CHD7: variants seen among roughly 807,000 people sequenced by gnomAD.
CHD7 encodes the protein ATP-dependent chromatin remodeler CHD7.
In CHD7, 24 loss-of-function variants were observed where a neutral mutation model predicts 307.3. That is an observed-to-expected ratio of 0.08 (90% CI 0.06 to 0.11). The LOEUF is 0.11. Among genes scored for constraint, CHD7 ranks in the 10% least tolerant of loss-of-function variants. The probability of loss-of-function intolerance (pLI) is 1.00; values close to 1 mark genes in which losing one functional copy is unlikely to be tolerated. For synonymous variants in CHD7, 1,363 were observed against 1,349.9 expected (o/e 1.01, Z -0.21); for missense variants, 3,106 against 3,727.1 (o/e 0.83, Z 4.34).
In CHD7 at chr8:60,855,969, C is replaced by T. The variant is rs750943637; in HGVS notation, c.6937-6C>T. The T allele has an allele frequency of 1.3e-6, 2 of 1,589,352 alleles. No individual in the cohort carries two copies. The highest frequency in any genetic ancestry group is 4.5e-5 in the East Asian group (2 of 44,326). Reference sequence around the variant, plus strand: ...AAATTTCTTGTGACTTTTCTTCTCCCTCCAGGATAGAGTAATGATAAACCG... The same window carrying T: ...AAATTTCTTGTGACTTTTCTTCTCCTTCCAGGATAGAGTAATGATAAACCG... On this transcript the variant is annotated splice_polypyrimidine_tract_variant and splice_region_variant and intron_variant, in intron 32 of 37. Transcript: ENST00000423902.
At chr8:60,753,209 T>G (rs1032226377) in intron 2 of CHD7, among the ~76,000 whole-genome samples, 2 of 152,230 alleles carry the variant, frequency 1.3e-5, no homozygotes, top group African/African-American at 4.8e-5. Context: ...TTTCTCTGAA[T>G]GTTTTTTTCT....
chr8:60,793,536 T>C (rs554396206), intron 3 of CHD7, among the ~76,000 whole-genome samples: 1 of 152,302 alleles, frequency 6.6e-6, no homozygotes, highest in East Asian at 1.9e-4. Context: ...ACAATACTTT[T>C]GAAATATTTT....
chr8:60,853,479 G>A lies in CHD7; in HGVS notation c.6754G>A (p.Glu2252Lys). The A allele has an allele frequency of 1.3e-6, 2 of 1,514,934 alleles. No homozygotes were observed. Among genetic ancestry groups the A allele is most frequent in the Non-Finnish European group, 1.8e-6 (2 of 1,133,984 alleles). 93.8% of individuals were successfully genotyped at this position (1,514,934 alleles called of 1,614,324 possible). A position where few individuals can be genotyped will look rare whatever the true frequency, so the allele number is the denominator to read the frequency against. ...AAAGCTGGAGGATGACGATAAGTCG[G>A]AAGAGTCTTCCCAGCCCGAAGGTAA... ...EEKLEDDDKSEESSQPEAGAV... is the reference protein window; with the variant it reads ...EEKLEDDDKSKESSQPEAGAV... Residue 2252 changes from glutamate (E) to lysine (K), a missense_variant, in exon 31 of 38, where the codon GAA becomes AAA. Around this residue, in one of 10 missense-constraint regions of CHD7, gnomAD observed 1,030 missense variants for 1,165.4 expected, o/e 0.88. Transcript: ENST00000423902.
intron 7 of CHD7, among the ~76,000 whole-genome samples, chr8:60,816,109 G>GTCTCTCTCTC (rs1175311453): frequency 1.8e-4 from 12 of 67,022 alleles, no homozygotes; most frequent in African/African-American, 4.1e-4. Flanking sequence ...CTGTCTGTCT[G>GTCTCTCTCTC]TCTGTCTCTC....
intron 21 of CHD7, among the ~76,000 whole-genome samples, chr8:60,843,290 C>A (rs1202311671): frequency 6.6e-6 from 1 of 152,180 alleles, no homozygotes; most frequent in Non-Finnish European, 1.5e-5. Flanking sequence ...AGACTCACCC[C>A]CTGCGTCCCA....
At chr8:60,688,534 T>C (rs1418467016) in intron 1 of CHD7, among the ~76,000 whole-genome samples, 2 of 152,196 alleles carry the variant, frequency 1.3e-5, no homozygotes, top group Non-Finnish European at 2.9e-5. Context: ...GAAAATAACA[T>C]CTTTATGTCC....
chr8:60,805,566 A>T (rs1812498063), intron 6 of CHD7, among the ~76,000 whole-genome samples: 1 of 152,184 alleles, frequency 6.6e-6, no homozygotes, highest in Non-Finnish European at 1.5e-5. Context: ...AATGGGTAGT[A>T]ATGAGAGTTG....
chr8:60,798,473 C>T (rs542595485), intron 4 of CHD7, among the ~76,000 whole-genome samples: 2 of 152,310 alleles, frequency 1.3e-5, no homozygotes, highest in South Asian at 4.1e-4. Flanking sequence ...TGAACTGTCT[C>T]AAATCCCTTT....
intron 23 of CHD7, among the ~76,000 whole-genome samples, chr8:60,847,951 C>T (rs989405053): frequency 3.3e-5 from 5 of 151,764 alleles, no homozygotes; most frequent in Non-Finnish European, 7.4e-5. Flanking sequence ...CACCTTCTAC[C>T]CCACCCTGTC....
intron 15 of CHD7, among the ~76,000 whole-genome samples, chr8:60,832,244 C>T (rs944716043): frequency 1.3e-5 from 2 of 152,088 alleles, no homozygotes; most frequent in Admixed American, 6.5e-5. Context: ...AGGCTGGTAT[C>T]GAACTCCTGA....
Position 60,781,216 on chromosome 8 carries a change from G to C in CHD7, c.1882G>C (p.Glu628Gln). The C allele has an allele frequency of 6.3e-7, 1 of 1,593,574 alleles. No homozygotes were observed. Among genetic ancestry groups the C allele is most frequent in the Non-Finnish European group, 8.5e-7 (1 of 1,169,722 alleles). Residue 628 changes from glutamate to glutamine, a missense_variant, in exon 3 of 38, where the codon GAA (glutamate) becomes CAA (glutamine). By Grantham distance (29) the Glu-to-Gln change is conservative. This residue lies in a region of CHD7 where 998 missense variants were observed against 1,004.5 expected (regional missense o/e 0.99). Transcript: ENST00000423902. ...CTTCCCTGGTGGGGTAGATAACCAAGAACTAAATAGGAACTCACTGGATGG... is the reference window on the plus strand; with the variant it reads ...CTTCCCTGGTGGGGTAGATAACCAACAACTAAATAGGAACTCACTGGATGG... ...DDFPGGVDNQ[E>Q]LNRNSLDGSQ...
intron 1 of CHD7, among the ~76,000 whole-genome samples, chr8:60,696,946 C>CT (rs990651228): frequency 1.2e-4 from 18 of 150,244 alleles, no homozygotes; most frequent in South Asian, 4.2e-4. Flanking sequence ...ACCTCCCCCA[C>CT]TTTTTTTTTA....
chr8:60,753,840 G>A (rs2150602317), intron 2 of CHD7, among the ~76,000 whole-genome samples: 1 of 151,894 alleles, frequency 6.6e-6, no homozygotes, highest in Non-Finnish European at 1.5e-5. Flanking sequence ...GGCCAGGCTG[G>A]TCTCGAACTC....
At chr8:60,697,818 A>T (rs999048938) in intron 1 of CHD7, among the ~76,000 whole-genome samples, 1 of 152,252 alleles carries the variant, frequency 6.6e-6, no homozygotes. Flanking sequence ...CCAGCTATGT[A>T]TATCACTTTA....
intron 1 of CHD7, among the ~76,000 whole-genome samples, chr8:60,720,632 C>T (rs1807851868): frequency 6.6e-6 from 1 of 152,220 alleles, no homozygotes; most frequent in Non-Finnish European, 1.5e-5. Flanking sequence ...TGAGCCTGTG[C>T]ACCCTTCTCC....
At chr8:60,813,053 A>G (rs1004230004) in intron 7 of CHD7, among the ~76,000 whole-genome samples, 1 of 152,144 alleles carries the variant, frequency 6.6e-6, no homozygotes, top group Non-Finnish European at 1.5e-5. Flanking sequence ...ATGTCTTTTC[A>G]GTTGGTCCAG....
At chr8:60,690,079 AGACT>A (rs931776909) in intron 1 of CHD7, among the ~76,000 whole-genome samples, 2 of 152,236 alleles carry the variant, frequency 1.3e-5, no homozygotes, top group African/African-American at 4.8e-5. Flanking sequence ...ACAGGACAAC[AGACT>A]GTCTTCCGCA....
intron 1 of CHD7, among the ~76,000 whole-genome samples, chr8:60,737,962 G>A (rs897580952): frequency 6.6e-6 from 1 of 152,180 alleles, no homozygotes; most frequent in African/African-American, 2.4e-5. Context: ...TAGGTGCTCA[G>A]TAAATACATT....
At chr8:60,695,619 C>A (rs1165180819) in intron 1 of CHD7, among the ~76,000 whole-genome samples, 1 of 152,168 alleles carries the variant, frequency 6.6e-6, no homozygotes, top group Non-Finnish European at 1.5e-5. Flanking sequence ...TAAAAAGGCG[C>A]ATCAGCATGT....
Sources: gnomAD v4.1 joint callset for allele counts (sites outside exome capture counted in the v4.1 genomes callset) on GRCh38, gnomAD v4.1.1 for gene constraint, gnomAD v4.1.1 regional missense constraint, MANE v1.5 for transcripts, NCBI Gene and HGNC (gene_info 2026-07-23, HGNC 2026-07-21) for gene names.